FARS2: variants seen among roughly 807,000 people sequenced by gnomAD.
FARS2 encodes phenylalanyl-tRNA synthetase 2, mitochondrial, also known as phenylalanine--tRNA ligase, mitochondrial.
FARS2 carries 40 observed loss-of-function variants against 46.4 expected under a neutral mutation model. The observed-to-expected ratio is 0.86, with a 90% CI of 0.67 to 1.12. The LOEUF (loss-of-function observed/expected upper bound fraction) is 1.12. FARS2 is among the 50% of genes most tolerant of loss of function. The pLI, the probability that FARS2 is intolerant of heterozygous loss-of-function variation, is 0.00. For missense variants in FARS2, 513 were observed against 567.9 expected, an observed-to-expected ratio of 0.90 and a Z score of 0.98; for synonymous variants, 234 against 214.9, an observed-to-expected ratio of 1.09 and a Z score of -0.78.
At chr6:5,322,508 A>C (rs1176969644) in intron 1 of FARS2, among the ~76,000 whole-genome samples, 1 of 152,214 alleles carries the variant, frequency 6.6e-6, no homozygotes, top group Non-Finnish European at 1.5e-5. Context: ...GGCTGAATTT[A>C]CAATTAAATG....
intron 5 of FARS2, among the ~76,000 whole-genome samples, chr6:5,561,711 A>G (rs2150536578): frequency 6.6e-6 from 1 of 152,148 alleles, no homozygotes; most frequent in African/African-American, 2.4e-5. Context: ...TCAACTCTAG[A>G]AAAGTCTGAG....
intron 2 of FARS2, among the ~76,000 whole-genome samples, chr6:5,381,797 T>C (rs1759812197): frequency 6.6e-6 from 1 of 152,174 alleles, no homozygotes; most frequent in African/African-American, 2.4e-5. Context: ...GATTGGAGAT[T>C]GAGAACCAAG....
intron 4 of FARS2, among the ~76,000 whole-genome samples, chr6:5,434,490 T>C (rs1763408113): frequency 6.6e-6 from 1 of 152,242 alleles, no homozygotes; most frequent in Non-Finnish European, 1.5e-5. Context: ...GAACGGATTC[T>C]GTGTAGACTT....
chr6:5,254,887 C>T, the FARS2 span, among the ~76,000 whole-genome samples: 28 of 152,202 alleles, frequency 1.8e-4, no homozygotes, highest in African/African-American at 5.3e-4. Context: ...ACCAAAATTC[C>T]GGTGGGAGGT....
chr6:5,282,399 G>A lies in FARS2; in HGVS notation c.-22+20739G>A, dbSNP rs142698681. Among the ~76,000 whole-genome samples, 314 of 152,302 alleles carry A rather than the reference G, an allele frequency of 2.1e-3. 2 individuals are homozygous for A. The highest frequency in any genetic ancestry group is 7.3e-3 in the African/African-American group (304 of 41,570). On this transcript the variant is annotated intron_variant, in intron 1 of 6. Coordinates refer to ENST00000274680, the MANE Select transcript of FARS2 (RefSeq NM_006567.5). ...GGGAGGGAGCATTCACATCCCAGGCGGACACCAGGGGAAGCGCCTGAGGTT... is the reference window on the plus strand; with the variant it reads ...GGGAGGGAGCATTCACATCCCAGGCAGACACCAGGGGAAGCGCCTGAGGTT...
At chr6:5,676,530 G>C (rs567974981) in intron 6 of FARS2, among the ~76,000 whole-genome samples, 1 of 152,316 alleles carries the variant, frequency 6.6e-6, no homozygotes, top group Non-Finnish European at 1.5e-5. Flanking sequence ...AGCAGAGCTA[G>C]CAATAAGGAC....
intron 5 of FARS2, among the ~76,000 whole-genome samples, chr6:5,590,471 T>C (rs540537327): frequency 1.3e-5 from 2 of 152,336 alleles, no homozygotes; most frequent in African/African-American, 2.4e-5. Flanking sequence ...TGGTGTCGTC[T>C]AGCACAGAGG....
chr6:5,260,775 T>G, upstream of FARS2: 1 of 1,536,522 alleles, frequency 6.5e-7, no homozygotes, highest in South Asian at 1.2e-5. Context: ...TTCGCCGAGG[T>G]CCCAAGTACG....
intron 5 of FARS2, among the ~76,000 whole-genome samples, chr6:5,600,518 A>G (rs553114862): frequency 4.1e-4 from 62 of 152,356 alleles, no homozygotes; most frequent in African/African-American, 1.4e-3. Flanking sequence ...TAAAGTACCA[A>G]ACTCACCAGC....
chr6:5,404,735 T>C (rs142597211), intron 3 of FARS2, 34 bp downstream of exon 3: 16 of 1,443,172 alleles, frequency 1.1e-5, no homozygotes, highest in Non-Finnish European at 1.5e-5. Flanking sequence ...CGATCTCTTA[T>C]CTGAAATACT....
chr6:5,489,965 C>G (rs1767001694), intron 4 of FARS2, among the ~76,000 whole-genome samples: 2 of 152,124 alleles, frequency 1.3e-5, no homozygotes, highest in African/African-American at 2.4e-5. Flanking sequence ...TGATGAACTT[C>G]AGTAAGTATA....
intron 6 of FARS2, among the ~76,000 whole-genome samples, chr6:5,696,427 T>C (rs1758108165): frequency 1.3e-5 from 2 of 152,234 alleles, no homozygotes; most frequent in Non-Finnish European, 2.9e-5. Flanking sequence ...ACATATATTT[T>C]GTTTTGTTTC....
At chr6:5,549,807 A>G (rs1052688194) in intron 5 of FARS2, among the ~76,000 whole-genome samples, 13 of 152,220 alleles carry the variant, frequency 8.5e-5, no homozygotes, top group African/African-American at 2.9e-4. Flanking sequence ...TCAGTCTACC[A>G]GAGTCTTCCC....
chr6:5,270,566 A>C (rs532876828), intron 1 of FARS2, among the ~76,000 whole-genome samples: 1 of 152,330 alleles, frequency 6.6e-6, no homozygotes, highest in Non-Finnish European at 1.5e-5. Flanking sequence ...TGTTGTCTTG[A>C]AAGCTATTTG....
chr6:5,397,093 G>A (rs1423258356), intron 2 of FARS2, among the ~76,000 whole-genome samples: 33 of 152,078 alleles, frequency 2.2e-4, no homozygotes, highest in Admixed American at 2.1e-3. Context: ...ATACGTATAA[G>A]TAATAAAAAT....
At chr6:5,750,217 C>A (rs1379897272) in intron 6 of FARS2, among the ~76,000 whole-genome samples, 5 of 151,898 alleles carry the variant, frequency 3.3e-5, no homozygotes. Context: ...CAGGGAGGAC[C>A]TTCCAAGCAG....
At chr6:5,380,852 A>C (rs1759713389) in intron 2 of FARS2, among the ~76,000 whole-genome samples, 1 of 152,156 alleles carries the variant, frequency 6.6e-6, no homozygotes, top group East Asian at 1.9e-4. Flanking sequence ...GAAAGGTAAG[A>C]TAGTTTTCTT....
At chr6:5,550,213 G>A (rs1360957846) in intron 5 of FARS2, among the ~76,000 whole-genome samples, 1 of 152,206 alleles carries the variant, frequency 6.6e-6, no homozygotes, top group Non-Finnish European at 1.5e-5. Context: ...ATAATTCTCT[G>A]TGGCCCTTGG....
intron 6 of FARS2, among the ~76,000 whole-genome samples, chr6:5,701,086 C>T (rs1758404093): frequency 6.6e-6 from 1 of 152,234 alleles, no homozygotes; most frequent in Admixed American, 6.5e-5. Context: ...GCAAAGGGTC[C>T]AGAAGGATCT....
Sources: gnomAD v4.1 joint callset for allele counts (sites outside exome capture counted in the v4.1 genomes callset) on GRCh38, gnomAD v4.1.1 for gene constraint, MANE v1.5 for transcripts, NCBI Gene and HGNC (gene_info 2026-07-23, HGNC 2026-07-21) for gene names.